PPM1H: variants seen among roughly 807,000 people sequenced by gnomAD.
The protein encoded by PPM1H is protein phosphatase, Mg2+/Mn2+ dependent 1H.
A neutral mutation model predicts 54.9 loss-of-function variants in PPM1H; 27 were observed. That is an observed-to-expected ratio of 0.49 (90% confidence interval 0.36 to 0.68). The LOEUF is 0.68. Ranked by LOEUF, PPM1H falls within the 30% of genes least tolerant of loss-of-function variation. The pLI is 0.00. For synonymous variants in PPM1H, 305 were observed against 270.8 expected, an observed-to-expected ratio of 1.13 and a Z score of -1.24; for missense variants, 596 against 667.8, an observed-to-expected ratio of 0.89 and a Z score of 1.19.
intron 2 of PPM1H, among the ~76,000 whole-genome samples, chr12:62,830,105 C>T (rs1868334452): frequency 6.6e-6 from 1 of 152,198 alleles, no homozygotes; most frequent in African/African-American, 2.4e-5. Flanking sequence ...TGGGACTAAC[C>T]TCAGGATAAT....
chr12:62,809,951 G>A (rs1235728413), intron 2 of PPM1H, among the ~76,000 whole-genome samples: 2 of 151,882 alleles, frequency 1.3e-5, no homozygotes, highest in Non-Finnish European at 2.9e-5. Context: ...TGGTGGAAGC[G>A]TGACCTATTC....
At position 62,644,143 on chromosome 12, in the gene PPM1H, A is replaced by G. The variant is rs2075773010; in HGVS notation, c.*4346T>C. 1 of 152,204 alleles carries G rather than the reference A, an allele frequency of 6.6e-6. No homozygotes were observed. Among genetic ancestry groups the G allele is most frequent in the Non-Finnish European group, 1.5e-5 (1 of 68,040 alleles). 9.4% of individuals were successfully genotyped at this position (152,204 alleles called of 1,614,324 possible). On this transcript the variant is annotated 3_prime_UTR_variant, in exon 10 of 10. Transcript: ENST00000228705. ...AACAGTTTTCATTTTGGGGTTACAAAAAAGTCAATGTTTCACAATCACAAA... is the reference window on the plus strand; with the variant it reads ...AACAGTTTTCATTTTGGGGTTACAAGAAAGTCAATGTTTCACAATCACAAA...
At chr12:62,796,102 C>T (rs752390753) in intron 3 of PPM1H, among the ~76,000 whole-genome samples, 5 of 152,186 alleles carry the variant, frequency 3.3e-5, no homozygotes, top group African/African-American at 4.8e-5. Context: ...TCAATAAATA[C>T]TAGTGACTGA....
intron 9 of PPM1H, among the ~76,000 whole-genome samples, chr12:62,653,918 A>G (rs1450207059): frequency 3.3e-5 from 5 of 152,106 alleles, no homozygotes; most frequent in Admixed American, 2.0e-4. Context: ...AATTGGTCAC[A>G]GCTGGCACCA....
intron 9 of PPM1H, among the ~76,000 whole-genome samples, chr12:62,656,339 A>G (rs937398056): frequency 7.9e-5 from 12 of 152,174 alleles, no homozygotes; most frequent in Non-Finnish European, 1.6e-4. Flanking sequence ...CAGCCATGTG[A>G]TCTTTCCATA....
intron 4 of PPM1H, among the ~76,000 whole-genome samples, chr12:62,767,652 T>C (rs2120636781): frequency 6.6e-6 from 1 of 152,198 alleles, no homozygotes; most frequent in South Asian, 2.1e-4. Flanking sequence ...TGTGTGGCAG[T>C]CTCCTAGGAT....
intron 9 of PPM1H, among the ~76,000 whole-genome samples, chr12:62,657,161 C>T (rs2075849224): frequency 6.6e-6 from 1 of 152,150 alleles, no homozygotes; most frequent in Admixed American, 6.6e-5. Context: ...CACAAAGCTG[C>T]AGACTGGAGG....
At chr12:62,858,243 T>C (rs1006507837) in intron 1 of PPM1H, among the ~76,000 whole-genome samples, 1 of 151,990 alleles carries the variant, frequency 6.6e-6, no homozygotes, top group African/African-American at 2.4e-5. Context: ...GAATCCAGAG[T>C]CAGAACTCAG....
chr12:62,836,150 G>GA (rs1368098173), intron 1 of PPM1H, among the ~76,000 whole-genome samples: 1 of 152,202 alleles, frequency 6.6e-6, no homozygotes, highest in Non-Finnish European at 1.5e-5. Context: ...TGCTTATTTT[G>GA]AAGGCTTTAA....
chr12:62,716,906 A>G (rs2076237670), intron 6 of PPM1H, among the ~76,000 whole-genome samples: 1 of 152,176 alleles, frequency 6.6e-6, no homozygotes, highest in Non-Finnish European at 1.5e-5. Context: ...TTAAAAAGGA[A>G]TTCATTAAAG....
intron 5 of PPM1H, among the ~76,000 whole-genome samples, chr12:62,731,436 C>T (rs1469210261): frequency 2.0e-5 from 3 of 152,182 alleles, no homozygotes; most frequent in Non-Finnish European, 4.4e-5. Flanking sequence ...CTTGAACCTC[C>T]CCACTTATAG....
intron 1 of PPM1H, among the ~76,000 whole-genome samples, chr12:62,852,243 A>AG (rs1420396218): frequency 6.6e-6 from 1 of 150,478 alleles, no homozygotes; most frequent in East Asian, 2.0e-4. Flanking sequence ...AAAAAAAAAA[A>AG]AAAAAAAAGA....
At chr12:62,687,951 G>A (rs1054186984) in intron 8 of PPM1H, among the ~76,000 whole-genome samples, 3 of 149,278 alleles carry the variant, frequency 2.0e-5, no homozygotes, top group African/African-American at 7.5e-5. Flanking sequence ...GGAGGGTGCA[G>A]TGAGCCAACA....
At chr12:62,770,717 A>G (rs1348931608) in intron 4 of PPM1H, among the ~76,000 whole-genome samples, 4 of 152,216 alleles carry the variant, frequency 2.6e-5, no homozygotes, top group Non-Finnish European at 5.9e-5. Context: ...GACACAGAAA[A>G]GCAGCAAAAC....
At chr12:62,849,057 T>A (rs934559100) in intron 1 of PPM1H, among the ~76,000 whole-genome samples, 1 of 151,998 alleles carries the variant, frequency 6.6e-6, no homozygotes, top group African/African-American at 2.4e-5. Context: ...AGGAAATGGT[T>A]GGGAATAGAA....
chr12:62,934,773 A>T lies in PPM1H; in HGVS notation c.-37T>A. The T allele has an allele frequency of 6.8e-7, 1 of 1,463,980 alleles. No individual in the cohort carries two copies. The highest frequency in any genetic ancestry group is 9.0e-7 in the Non-Finnish European group (1 of 1,105,044). The allele number at this position is 1,463,980 out of a possible 1,614,324, so 90.7% of individuals were successfully genotyped here. On this transcript the variant is annotated 5_prime_UTR_variant, in exon 1 of 10. Transcript: ENST00000228705. This position sits in a 1 kb window ranked among gnomAD's most constrained non-coding sequence, Gnocchi z 4.2. ...GCCCGGCTGCAGCGGTGCGAGCAGGAGGCGGCGGGGGCCGGGCAAGGCGCA... is the reference window on the plus strand; with the variant it reads ...GCCCGGCTGCAGCGGTGCGAGCAGGTGGCGGCGGGGGCCGGGCAAGGCGCA...
chr12:62,852,942 G>T (rs1869250370), intron 1 of PPM1H, among the ~76,000 whole-genome samples: 1 of 152,196 alleles, frequency 6.6e-6, no homozygotes, highest in African/African-American at 2.4e-5. Context: ...GGAAACAAAG[G>T]AGATAGAGAA....
chr12:62,804,351 C>CAAAAAAAAAAAAAAA (rs371143962), intron 2 of PPM1H, among the ~76,000 whole-genome samples: 13 of 137,654 alleles, frequency 9.4e-5, no homozygotes, highest in African/African-American at 1.8e-4. Flanking sequence ...GACCCTGTCT[C>CAAAAAAAAAAAAAAA]AAAAAAAAAA....
chr12:62,828,519 T>C (rs75206040), intron 2 of PPM1H, among the ~76,000 whole-genome samples: 1,659 of 152,304 alleles, frequency 0.011, 38 homozygotes, highest in African/African-American at 0.037. Context: ...ACCCTCAGAC[T>C]TCCTATATTC....
Sources: gnomAD v4.1 joint callset for allele counts (sites outside exome capture counted in the v4.1 genomes callset) on GRCh38, gnomAD v4.1.1 for gene constraint, Gnocchi (gnomAD v3.1) non-coding constraint, MANE v1.5 for transcripts, NCBI Gene and HGNC (gene_info 2026-07-23, HGNC 2026-07-21) for gene names.